Variants in HSF5 observed in about 807,000 individuals in gnomAD.
The protein encoded by HSF5 is heat shock transcription factor 5, also known as heat shock factor protein 5.
In HSF5, 5 loss-of-function variants were observed where a neutral mutation model predicts 50.8. The ratio of observed to expected loss-of-function variants is 0.10; its 90% CI spans 0.05 to 0.21. The LOEUF (loss-of-function observed/expected upper bound fraction) is 0.21. Among genes scored for constraint, HSF5 ranks in the 10% least tolerant of loss-of-function variants. HSF5 has a pLI of 1.00. For synonymous variants in HSF5, 307 were observed against 307.4 expected, an observed-to-expected ratio of 1.00 and a Z score of 0.02; for missense variants, 564 against 762.6, an observed-to-expected ratio of 0.74 and a Z score of 3.07.
chr17:58,443,988 T>C (rs557635532), intron 5 of HSF5, among the ~76,000 whole-genome samples: 124 of 152,292 alleles, frequency 8.1e-4, no homozygotes, highest in African/African-American at 2.7e-3. Context: ...TCATTTACAA[T>C]AGCATCAAAG....
rs746936844 is a variant in HSF5 at position 58,480,064 on chromosome 17, C to G, written c.754G>C (p.Gly252Arg). 1.2e-6 allele frequency: 2 copies of G among 1,614,120 alleles called. No individual in the cohort carries two copies. Among genetic ancestry groups the G allele is most frequent in the South Asian group, 1.1e-5 (1 of 91,084 alleles). ...VETSPTFSDK[G>R]VPFPVLQRFP... ...CTCTGGAGTACAGGAAACGGAACCC[C>G]TTTATCTGAAAATGTGGGAGATGTC... The change falls in exon 2 of 6, where the codon GGG becomes CGG. Residue 252 changes from glycine (G) to arginine (R), a missense_variant. By Grantham distance (125) the Gly-to-Arg change is moderately radical. Around this residue, in one of 5 missense-constraint regions of HSF5, gnomAD observed 441 missense variants for 533.6 expected, o/e 0.83. Coordinates refer to ENST00000323777, the MANE Select transcript of HSF5 (RefSeq NM_001080439.3).
rs1974210669 is a variant in HSF5 at position 58,420,211 on chromosome 17, C to G, written c.*2149G>C. On this transcript the variant is annotated 3_prime_UTR_variant, in exon 6 of 6. Transcript: ENST00000323777. ...TTATTGTTGACTGATTGAAATTTAT[C>G]AGTGCTTAAGGTGCTGAAATACTGA... 1 of 152,184 alleles carries G rather than the reference C, an allele frequency of 6.6e-6. No homozygotes were observed. Among genetic ancestry groups the G allele is most frequent in the Admixed American group, 6.5e-5 (1 of 15,280 alleles). 9.4% of individuals were successfully genotyped at this position (152,184 alleles called of 1,614,324 possible).
At chr17:58,477,035 C>T (rs895876499) in intron 2 of HSF5, 1 of 533,244 alleles carries the variant, frequency 1.9e-6, no homozygotes, top group Non-Finnish European at 3.4e-6. Context: ...CACGCGCGGG[C>T]GCTTGCTGGG....
In HSF5 at chr17:58,421,676, A is replaced by G. The variant is rs1278646672; in HGVS notation, c.*684T>C. 6.6e-6 allele frequency: 1 copy of G among 152,480 alleles called. No homozygotes were observed. Among genetic ancestry groups the G allele is most frequent in the Non-Finnish European group, 1.5e-5 (1 of 68,038 alleles). 9.4% of individuals were successfully genotyped at this position (152,480 alleles called of 1,614,324 possible). A position where few individuals can be genotyped will look rare whatever the true frequency, so the allele number is the denominator to read the frequency against. On this transcript the variant is annotated 3_prime_UTR_variant, in exon 6 of 6. Coordinates refer to ENST00000323777, the MANE Select transcript of HSF5 (RefSeq NM_001080439.3). ...CCATTTATGATAATGTATCATTAAA[A>G]TTAAAGAAAGATATGAAAATAGAAG...
chr17:58,477,494 C>G (rs1200597562), intron 2 of HSF5, among the ~76,000 whole-genome samples: 4 of 143,952 alleles, frequency 2.8e-5, no homozygotes, highest in Non-Finnish European at 6.0e-5. Flanking sequence ...GAGTCTCGCT[C>G]TGTCGCCCAG....
intron 3 of HSF5, among the ~76,000 whole-genome samples, chr17:58,464,407 G>T (rs1240115076): frequency 6.6e-6 from 1 of 152,160 alleles, no homozygotes; most frequent in Non-Finnish European, 1.5e-5. Context: ...ATAACTGACA[G>T]AGCCAGGTTT....
At chr17:58,432,998 CCATTCATTCATT>C (rs35728420) in intron 5 of HSF5, among the ~76,000 whole-genome samples, 49 of 151,376 alleles carry the variant, frequency 3.2e-4, no homozygotes, top group African/African-American at 1.2e-3. Flanking sequence ...ACTAGAAGTA[CCATTCATTCATT>C]CATTCATTCA....
At chr17:58,457,152 C>G (rs1318509787) in intron 5 of HSF5, among the ~76,000 whole-genome samples, 4 of 151,690 alleles carry the variant, frequency 2.6e-5, no homozygotes, top group African/African-American at 9.7e-5. Flanking sequence ...CCCAGCTACT[C>G]AGGAGGCTGA....
chr17:58,423,457 A>G (rs905989916), intron 5 of HSF5, among the ~76,000 whole-genome samples: 1 of 150,460 alleles, frequency 6.6e-6, no homozygotes, highest in Non-Finnish European at 1.5e-5. Context: ...TGTGCTTACA[A>G]CTTCTAGAGC....
At position 58,465,125 on chromosome 17, in the gene HSF5, C is replaced by G. The variant is rs184775113; in HGVS notation, c.1020+1760G>C. ...GCACCACTACATCCAACTAACCCAC[C>G]CTTTCTCTCTCCCTCCCTCCCTCCC... is the stretch of plus-strand genomic sequence containing the variant. On this transcript the variant is annotated intron_variant, in intron 3 of 5. Transcript: ENST00000323777. 3.3e-5 allele frequency among the ~76,000 whole-genome samples: 5 copies of G among 149,974 alleles called. No homozygotes were observed. In the East Asian group the frequency reaches 7.9e-4, roughly 24 times the overall value.
intron 2 of HSF5, among the ~76,000 whole-genome samples, chr17:58,470,390 T>C (rs1172405414): frequency 6.6e-6 from 1 of 152,144 alleles, no homozygotes; most frequent in African/African-American, 2.4e-5. Flanking sequence ...CTTAAAGACA[T>C]TAAGTGAAAT....
In HSF5 at chr17:58,487,961, T is replaced by A; in HGVS notation, c.314A>T (p.Asn105Ile). ...GTTGTGGAAGTGATGGAGCGGCCCATTGCCTGCCGGTTTGCCGCCCCCCGG... is the reference window on the plus strand; with the variant it reads ...GTTGTGGAAGTGATGGAGCGGCCCAATGCCTGCCGGTTTGCCGCCCCCCGG... ...GGPGGGKPAG[N>I]GPLHHFHNPH... Residue 105 changes from asparagine to isoleucine, a missense_variant, in exon 1 of 6, where the codon AAT becomes ATT. By Grantham distance (149) the Asn-to-Ile change is moderately radical. Coordinates refer to ENST00000323777, the MANE Select transcript of HSF5 (RefSeq NM_001080439.3). 2 of 1,611,342 alleles carry A rather than the reference T, an allele frequency of 1.2e-6. No homozygotes were observed. The highest frequency in any genetic ancestry group is 1.7e-6 in the Non-Finnish European group (2 of 1,179,316).
chr17:58,469,202 G>A (rs1371568288), intron 2 of HSF5, among the ~76,000 whole-genome samples: 1 of 151,816 alleles, frequency 6.6e-6, no homozygotes, highest in Non-Finnish European at 1.5e-5. Flanking sequence ...CCATTCCATC[G>A]GGGTACCAAA....
chr17:58,435,089 C>T (rs1022659424), intron 5 of HSF5, among the ~76,000 whole-genome samples: 1 of 152,098 alleles, frequency 6.6e-6, no homozygotes, highest in African/African-American at 2.4e-5. Context: ...TCTATTTTCT[C>T]AGTAAGATAT....
At chr17:58,442,266 A>G (rs1012450114) in intron 5 of HSF5, among the ~76,000 whole-genome samples, 14 of 152,286 alleles carry the variant, frequency 9.2e-5, no homozygotes, top group East Asian at 1.9e-4. Context: ...TTCCAAAACT[A>G]CCCTAAAATT....
chr17:58,474,703 T>C (rs1363390508), intron 2 of HSF5, among the ~76,000 whole-genome samples: 2 of 152,228 alleles, frequency 1.3e-5, no homozygotes, highest in Non-Finnish European at 2.9e-5. Context: ...GTACTTTTCA[T>C]AAAATTTAGA....
intron 3 of HSF5, among the ~76,000 whole-genome samples, chr17:58,465,689 G>C (rs535056777): frequency 1.3e-5 from 2 of 150,862 alleles, no homozygotes; most frequent in South Asian, 4.2e-4. Context: ...ATTCTCCTAA[G>C]AACTGAGACT....
At chr17:58,468,498 G>A (rs1974902292) in intron 2 of HSF5, among the ~76,000 whole-genome samples, 1 of 152,012 alleles carries the variant, frequency 6.6e-6, no homozygotes, top group Non-Finnish European at 1.5e-5. Flanking sequence ...TCTACTTGCC[G>A]AATATCTTTA....
At chr17:58,484,323 C>A (rs1975139613) in intron 1 of HSF5, among the ~76,000 whole-genome samples, 1 of 152,010 alleles carries the variant, frequency 6.6e-6, no homozygotes, top group African/African-American at 2.4e-5. Context: ...AAACAGTAAT[C>A]TTTAAATGCT....
Sources: allele counts gnomAD v4.1 joint callset (sites outside exome capture counted in the v4.1 genomes callset), GRCh38; gene constraint gnomAD v4.1.1; regional missense constraint gnomAD v4.1.1; transcripts MANE v1.5; gene names NCBI Gene and HGNC (gene_info 2026-07-23, HGNC 2026-07-21).